Variants in SPAG9 observed in about 807,000 individuals in gnomAD.
SPAG9 encodes the protein C-Jun-amino-terminal kinase-interacting protein 4.
Under a neutral mutation model 166.5 loss-of-function variants are expected in SPAG9, and 35 were observed. The observed-to-expected ratio is 0.21, with a 90% CI of 0.16 to 0.28. SPAG9 has a LOEUF of 0.28. Ranked by LOEUF, SPAG9 falls within the 10% of genes least tolerant of loss-of-function variation. The probability of loss-of-function intolerance (pLI) is 1.00; values close to 1 mark genes in which losing one functional copy is unlikely to be tolerated. For synonymous variants in SPAG9, 534 were observed against 565.5 expected (o/e 0.94, Z 0.79); for missense variants, 1,235 against 1,603.3 (o/e 0.77, Z 3.92).
chr17:51,097,449 G>C (rs2048677455), intron 1 of SPAG9, among the ~76,000 whole-genome samples: 1 of 152,110 alleles, frequency 6.6e-6, no homozygotes, highest in Non-Finnish European at 1.5e-5. Flanking sequence ...GGAGGCTGAG[G>C]CAGGAAGACA....
At chr17:51,041,676 T>C in intron 4 of SPAG9, 25 bp from the exon 5 acceptor site, 1 of 1,609,264 alleles carries the variant, frequency 6.2e-7, no homozygotes, top group Non-Finnish European at 8.5e-7. Context: ...GAGAAAAAAT[T>C]CGGCATTCAT....
intron 8 of SPAG9, among the ~76,000 whole-genome samples, chr17:51,015,704 G>C (rs949974816): frequency 3.5e-5 from 5 of 143,340 alleles, no homozygotes; most frequent in African/African-American, 1.3e-4. Context: ...CCAATAAAAA[G>C]AATTTGGAAA....
intron 1 of SPAG9, among the ~76,000 whole-genome samples, chr17:51,101,520 A>G (rs2048807936): frequency 6.6e-6 from 1 of 152,204 alleles, no homozygotes; most frequent in Non-Finnish European, 1.5e-5. Flanking sequence ...TAGCAGTAAC[A>G]AAATGTGGCT....
chr17:50,963,968 T>C lies in SPAG9; in HGVS notation c.*2304A>G, dbSNP rs964901514. 2.6e-5 allele frequency: 4 copies of C among 152,224 alleles called. No individual in the cohort carries two copies. Among genetic ancestry groups the C allele is most frequent in the Non-Finnish European group, 5.9e-5 (4 of 68,026 alleles). 9.4% of individuals were successfully genotyped at this position (152,224 alleles called of 1,614,324 possible). ...AATACAGCTTTTACCAAAACAGTTTTAATACATGAGTGGCTACAATTTTAT... is the reference window on the plus strand; with the variant it reads ...AATACAGCTTTTACCAAAACAGTTTCAATACATGAGTGGCTACAATTTTAT... On this transcript the variant is annotated 3_prime_UTR_variant, in exon 30 of 30. Transcript: ENST00000262013.
In SPAG9 at chr17:50,998,522, G is replaced by A. The variant is rs550932986; in HGVS notation, c.1760C>T (p.Pro587Leu). 4 of 1,614,102 alleles carry A rather than the reference G, an allele frequency of 2.5e-6. No individual in the cohort carries two copies. Among genetic ancestry groups the A allele is most frequent in the East Asian group, 2.2e-5 (1 of 44,886 alleles). Reference protein sequence around the residue: ...KYNAPTSHVTPSVKKRSSTLS... With the variant: ...KYNAPTSHVTLSVKKRSSTLS... ...GGTGCTGCTTCTTTTCTTGACGGAC[G>A]GAGTAACATGAGACGTGGGTGCATT... is the stretch of plus-strand genomic sequence containing the variant. Residue 587 changes from proline (P) to leucine (L), a missense_variant, in exon 15 of 30, where the codon CCG (proline) becomes CTG (leucine). Around this residue, in one of 6 missense-constraint regions of SPAG9, gnomAD observed 493 missense variants for 559.4 expected, o/e 0.88. Coordinates refer to ENST00000262013, the MANE Select transcript of SPAG9 (RefSeq NM_001130528.3).
chr17:51,051,597 A>G (rs1359002121), intron 3 of SPAG9, among the ~76,000 whole-genome samples: 2 of 152,108 alleles, frequency 1.3e-5, no homozygotes, highest in African/African-American at 4.8e-5. Context: ...GCATGTGCCT[A>G]TAGTCCCAGC....
chr17:50,977,472 C>G (rs1047141176), intron 26 of SPAG9, among the ~76,000 whole-genome samples: 1 of 152,034 alleles, frequency 6.6e-6, no homozygotes, highest in Admixed American at 6.5e-5. Flanking sequence ...AAAGAAAAGC[C>G]TAAAAGTGGG....
At chr17:50,983,264 T>G (rs754175585) in intron 24 of SPAG9, among the ~76,000 whole-genome samples, 2 of 152,252 alleles carry the variant, frequency 1.3e-5, no homozygotes, top group Non-Finnish European at 2.9e-5. Flanking sequence ...TCTGTCTTTT[T>G]GTATGTAATC....
intron 2 of SPAG9, among the ~76,000 whole-genome samples, chr17:51,066,005 A>G (rs1209718245): frequency 6.6e-6 from 1 of 152,232 alleles, no homozygotes; most frequent in Admixed American, 6.5e-5. Context: ...CTAGTTCGTT[A>G]TAGCAACTAC....
In SPAG9 at chr17:50,999,645, GT is replaced by G. The variant is rs768201812; in HGVS notation, c.1664+15del. 2.5e-6 allele frequency: 4 copies of G among 1,603,942 alleles called. No homozygotes were observed. Among genetic ancestry groups the G allele is most frequent in the Non-Finnish European group, 3.4e-6 (4 of 1,173,018 alleles). On this transcript the variant is annotated intron_variant, in intron 14 of 29. Coordinates refer to ENST00000262013, the MANE Select transcript of SPAG9 (RefSeq NM_001130528.3). ...GTCTCATGTGCTGTCTAACATCTTT[GT>G]TTTTCAATACTTACAACTGCCAAAT... is the stretch of plus-strand genomic sequence containing the variant.
At chr17:51,037,701 T>TATATA (rs1568028444) in intron 5 of SPAG9, among the ~76,000 whole-genome samples, 1 of 107,360 alleles carries the variant, frequency 9.3e-6, no homozygotes, top group African/African-American at 3.1e-5. Flanking sequence ...TGTGTGTGTG[T>TATATA]GTGTGTGTGT....
intron 2 of SPAG9, among the ~76,000 whole-genome samples, chr17:51,076,765 G>T (rs2047981382): frequency 6.6e-6 from 1 of 151,644 alleles, no homozygotes. Flanking sequence ...AGAAAACTTT[G>T]TGTACCCTGC....
At position 51,091,984 on chromosome 17, in the gene SPAG9, TAAA is replaced by T. The variant is rs66581264; in HGVS notation, c.304-12283_304-12281del. 8.8e-3 allele frequency among the ~76,000 whole-genome samples: 1,143 copies of T among 129,250 alleles called. 21 individuals are homozygous for T. The highest frequency in any genetic ancestry group is 0.03 in the African/African-American group (1,061 of 35,718). The allele number at this position is 129,250 out of a possible 152,430, so 84.8% of individuals were successfully genotyped here. ...CTTTGAAAAGACAAGCTCCCAAAGT[TAAA>T]AAAAAAAAAAAAAAAAATTCCCTAA... On this transcript the variant is annotated intron_variant, in intron 1 of 29. Transcript: ENST00000262013.
intron 2 of SPAG9, among the ~76,000 whole-genome samples, chr17:51,066,424 A>T (rs894044361): frequency 1.3e-5 from 2 of 151,808 alleles, no homozygotes; most frequent in African/African-American, 4.8e-5. Context: ...ATTATGTTTT[A>T]AAAATAGTTT....
intron 29 of SPAG9, among the ~76,000 whole-genome samples, chr17:50,970,303 C>T (rs1278821772): frequency 6.6e-6 from 1 of 152,030 alleles, no homozygotes; most frequent in Non-Finnish European, 1.5e-5. Context: ...CACTTGAGGT[C>T]AGGAGTTTGA....
intron 7 of SPAG9, 108 bp from the exon 8 acceptor site, chr17:51,020,366 A>T (rs557477213): frequency 1.8e-5 from 12 of 680,606 alleles, no homozygotes; most frequent in African/African-American, 5.4e-5. Flanking sequence ...ACATTTTTTT[A>T]AAATGTGCAA....
intron 1 of SPAG9, among the ~76,000 whole-genome samples, chr17:51,086,792 G>A (rs891264679): frequency 1.1e-4 from 16 of 151,946 alleles, no homozygotes; most frequent in African/African-American, 3.9e-4. Context: ...CGTGGTGGCA[G>A]GTGTGTGTAA....
intron 1 of SPAG9, among the ~76,000 whole-genome samples, chr17:51,094,600 A>G (rs1219115272): frequency 6.6e-6 from 1 of 152,174 alleles, no homozygotes; most frequent in Non-Finnish European, 1.5e-5. Flanking sequence ...TTTACAAGAA[A>G]ATTTAGCTGA....
chr17:51,019,324 G>A (rs1027961261), intron 8 of SPAG9, among the ~76,000 whole-genome samples: 18 of 152,290 alleles, frequency 1.2e-4, no homozygotes, highest in Admixed American at 7.8e-4. Flanking sequence ...TTGGGAGGCC[G>A]AGGCAGGCTG....
Sources: allele counts gnomAD v4.1 joint callset (sites outside exome capture counted in the v4.1 genomes callset), GRCh38; gene constraint gnomAD v4.1.1; regional missense constraint gnomAD v4.1.1; transcripts MANE v1.5; gene names NCBI Gene and HGNC (gene_info 2026-07-23, HGNC 2026-07-21).